Variants in AGAP1 observed in about 807,000 individuals in gnomAD.
AGAP1 encodes ArfGAP with GTPase domain, ankyrin repeat and PH domain 1, also known as arf-GAP with GTPase, ANK repeat and PH domain-containing protein 1.
In AGAP1, 29 loss-of-function variants were observed where a neutral mutation model predicts 105.3. The observed-to-expected ratio is 0.28, with a 90% CI of 0.21 to 0.38. The LOEUF (loss-of-function observed/expected upper bound fraction) is 0.38. Ranked by LOEUF, AGAP1 falls within the 10% of genes least tolerant of loss-of-function variation. The probability of loss-of-function intolerance (pLI) is 1.00; values close to 1 mark genes in which losing one functional copy is unlikely to be tolerated. For synonymous variants in AGAP1, 509 were observed against 485.9 expected, an observed-to-expected ratio of 1.05 and a Z score of -0.63; for missense variants, 998 against 1,165.1, an observed-to-expected ratio of 0.86 and a Z score of 2.09.
At chr2:235,791,759 G>A (rs949525083) in intron 6 of AGAP1, among the ~76,000 whole-genome samples, 1 of 152,078 alleles carries the variant, frequency 6.6e-6, no homozygotes, top group African/African-American at 2.4e-5. Context: ...TGTTGACCAG[G>A]CTGGTCCAAA....
rs768873498 is a variant in AGAP1, at chr2:235,769,531, C to T, written c.673+19043C>T. Among the ~76,000 whole-genome samples the T allele has an allele frequency of 6.6e-6, 1 of 152,196 alleles. No individual in the cohort carries two copies. Among genetic ancestry groups the T allele is most frequent in the Non-Finnish European group, 1.5e-5 (1 of 68,038 alleles). ...CTCCTTCCTGGGCAGGCCCTTTGCC[C>T]AAATGGTTGTTAAAGAAATGCAAAC... On this transcript the variant is annotated intron_variant, in intron 6 of 17. Transcript: ENST00000304032. This position sits in a 1 kb window ranked among gnomAD's most constrained non-coding sequence, Gnocchi z 4.4.
At chr2:235,593,651 C>T (rs1041614606) in intron 1 of AGAP1, among the ~76,000 whole-genome samples, 2 of 152,020 alleles carry the variant, frequency 1.3e-5, no homozygotes, top group Non-Finnish European at 1.5e-5. Context: ...GTATTCAAAT[C>T]GTGTAGCGCT....
chr2:235,831,318 C>T (rs1276102118), intron 9 of AGAP1, among the ~76,000 whole-genome samples: 2 of 152,180 alleles, frequency 1.3e-5, no homozygotes. Context: ...CCTGCACTGA[C>T]AGCACTGTCA....
rs542447455 is a variant in AGAP1 at position 235,721,296 on chromosome 2, C to G, written c.310+3652C>G. Among the ~76,000 whole-genome samples, 226 of 152,316 alleles carry G rather than the reference C, an allele frequency of 1.5e-3. 1 individual carries two copies. Among genetic ancestry groups the G allele is most frequent in the African/African-American group, 4.8e-3 (199 of 41,566 alleles). On this transcript the variant is annotated intron_variant, in intron 3 of 17. Coordinates refer to ENST00000304032, the MANE Select transcript of AGAP1 (RefSeq NM_001037131.3). This position sits in a 1 kb window ranked among gnomAD's most constrained non-coding sequence, Gnocchi z 4.5. ...GTGCTGGGATTACAGGCATGAGCCA[C>G]CACGTCCAGCCAAGACTTAGATAAT...
chr2:235,735,766 A>G (rs1381458442), intron 3 of AGAP1, among the ~76,000 whole-genome samples: 2 of 152,136 alleles, frequency 1.3e-5, no homozygotes, highest in African/African-American at 4.8e-5. Flanking sequence ...GCTCAAGGGC[A>G]AACTAAGGCA....
intron 1 of AGAP1, among the ~76,000 whole-genome samples, chr2:235,516,384 C>T (rs905031512): frequency 4.6e-5 from 7 of 152,096 alleles, no homozygotes; most frequent in Admixed American, 2.0e-4. Context: ...CACTTTTCTA[C>T]TTTCTCCTCC....
intron 13 of AGAP1, among the ~76,000 whole-genome samples, chr2:236,029,563 G>A (rs778163439): frequency 2.7e-4 from 41 of 152,106 alleles, no homozygotes; most frequent in Middle Eastern, 3.2e-3. Context: ...TGGGATCACA[G>A]GTGTGAGCCA....
chr2:235,621,549 G>A lies in AGAP1; in HGVS notation c.164-87630G>A, dbSNP rs111643763. Among the ~76,000 whole-genome samples the A allele has an allele frequency of 4.6e-5, 7 of 152,256 alleles. No individual in the cohort carries two copies. Among genetic ancestry groups the A allele is most frequent in the East Asian group, 1.9e-4 (1 of 5,168 alleles). ...AAGGGCCCTGTCACGTCTCTGAGCC[G>A]GCTTCTCTGGGCACTGGCTGGGCTG... On this transcript the variant is annotated intron_variant, in intron 1 of 17. Transcript: ENST00000304032. This position sits in a 1 kb window ranked among gnomAD's most constrained non-coding sequence, Gnocchi z 4.1.
intron 10 of AGAP1, among the ~76,000 whole-genome samples, chr2:235,892,735 AC>A (rs1457559749): frequency 6.6e-6 from 1 of 152,108 alleles, no homozygotes; most frequent in Non-Finnish European, 1.5e-5. Context: ...CCATCTCTTC[AC>A]CCACCTTCAC....
At chr2:235,917,264 C>CA (rs1199216175) in intron 11 of AGAP1, among the ~76,000 whole-genome samples, 3 of 151,862 alleles carry the variant, frequency 2.0e-5, no homozygotes, top group Non-Finnish European at 4.4e-5. Flanking sequence ...GAGGCGGGGA[C>CA]AGCAAATGTG....
At chr2:235,802,446 T>A (rs1358935414) in intron 8 of AGAP1, among the ~76,000 whole-genome samples, 1 of 149,796 alleles carries the variant, frequency 6.7e-6, no homozygotes, top group Non-Finnish European at 1.5e-5. Flanking sequence ...AAAATAAATT[T>A]GAGATCAGAT....
chr2:235,856,858 C>T (rs1012936405), intron 9 of AGAP1, among the ~76,000 whole-genome samples: 16 of 152,374 alleles, frequency 1.1e-4, no homozygotes, highest in Non-Finnish European at 2.1e-4. Context: ...AAGTGCCAGC[C>T]ACTGTCGTGA....
At chr2:235,536,468 T>TACACACACACACACAC (rs68065934) in intron 1 of AGAP1, among the ~76,000 whole-genome samples, 2 of 48,990 alleles carry the variant, frequency 4.1e-5, no homozygotes, top group Admixed American at 2.2e-4. Flanking sequence ...TGTGGCATCC[T>TACACACACACACACAC]ACACACACAC....
chr2:236,063,103 A>G (rs568916783), intron 16 of AGAP1, among the ~76,000 whole-genome samples: 6 of 150,804 alleles, frequency 4.0e-5, no homozygotes, highest in Non-Finnish European at 8.9e-5. Context: ...CAGGACTTTT[A>G]TTTTTTTTGA....
chr2:235,862,364 A>G (rs1028045610), intron 9 of AGAP1, among the ~76,000 whole-genome samples: 1 of 152,192 alleles, frequency 6.6e-6, no homozygotes, highest in Non-Finnish European at 1.5e-5. Flanking sequence ...TGGCGGTGGT[A>G]GTAATAGCAG....
intron 1 of AGAP1, among the ~76,000 whole-genome samples, chr2:235,548,452 G>A (rs1406933680): frequency 6.6e-6 from 1 of 152,100 alleles, no homozygotes; most frequent in Non-Finnish European, 1.5e-5. Flanking sequence ...TCAGGAGTTC[G>A]AGGCCAGCCT....
rs1332715337 is a variant in AGAP1 at position 235,721,265 on chromosome 2, C to T, written c.310+3621C>T. On this transcript the variant is annotated intron_variant, in intron 3 of 17. Coordinates refer to ENST00000304032, the MANE Select transcript of AGAP1 (RefSeq NM_001037131.3). This position sits in a 1 kb window ranked among gnomAD's most constrained non-coding sequence, Gnocchi z 4.5. ...TTAAGTGATCCACCTGCCTGGGCCT[C>T]CCAAAGTGCTGGGATTACAGGCATG... Among the ~76,000 whole-genome samples, 3 of 152,204 alleles carry T rather than the reference C, an allele frequency of 2.0e-5. No homozygotes were observed. Among genetic ancestry groups the T allele is most frequent in the South Asian group, 2.1e-4 (1 of 4,828 alleles).
At position 236,012,785 on chromosome 2, in the gene AGAP1, T is replaced by G. The variant is rs1194385756; in HGVS notation, c.1646-23776T>G. On this transcript the variant is annotated intron_variant, in intron 13 of 17. Coordinates refer to ENST00000304032, the MANE Select transcript of AGAP1 (RefSeq NM_001037131.3). This position sits in a 1 kb window ranked among gnomAD's most constrained non-coding sequence, Gnocchi z 4.9. ...ACTAAATTATTATTATTATTATTAT[T>G]ATTATTCTCTTGAGATGGAATCTCT... Among the ~76,000 whole-genome samples the G allele has an allele frequency of 6.6e-6, 1 of 151,640 alleles. No individual in the cohort carries two copies. The highest frequency in any genetic ancestry group is 1.5e-5 in the Non-Finnish European group (1 of 67,932).
Position 235,608,026 on chromosome 2 carries a change from G to A in AGAP1, c.164-101153G>A, listed in dbSNP as rs1205615920. 1.7e-4 allele frequency among the ~76,000 whole-genome samples: 26 copies of A among 152,226 alleles called. No homozygotes were observed. The highest frequency in any genetic ancestry group is 1.7e-3 in the Admixed American group (26 of 15,290). ...CTGCTGTCTCAGACATGAGGTGGAT[G>A]CTGAAGAGATTACCCCTGACTTCAT... On this transcript the variant is annotated intron_variant, in intron 1 of 17. Transcript: ENST00000304032. The surrounding 1 kb of genome is among the most constrained non-coding windows in gnomAD (Gnocchi z 5.4).
Sources: allele counts gnomAD v4.1 joint callset (sites outside exome capture counted in the v4.1 genomes callset), GRCh38; gene constraint gnomAD v4.1.1; non-coding constraint Gnocchi (gnomAD v3.1); transcripts MANE v1.5; gene names NCBI Gene and HGNC (gene_info 2026-07-23, HGNC 2026-07-21).